Variants in BLK observed in about 807,000 individuals in gnomAD.
BLK encodes BLK proto-oncogene, Src family tyrosine kinase.
Under a neutral mutation model 61.8 loss-of-function variants are expected in BLK, and 64 were observed. The observed-to-expected ratio is 1.03, with a 90% CI of 0.85 to 1.27. The LOEUF (loss-of-function observed/expected upper bound fraction) is 1.27, where lower values mean the gene tolerates loss of function less well. Among genes scored for constraint, BLK ranks in the 50% most tolerant of loss-of-function variants. BLK has a pLI of 0.00. For synonymous variants in BLK, 351 were observed against 272.0 expected, an observed-to-expected ratio of 1.29 and a Z score of -2.86; for missense variants, 853 against 660.5, an observed-to-expected ratio of 1.29 and a Z score of -3.19.
intron 1 of BLK, among the ~76,000 whole-genome samples, chr8:11,499,625 C>T (rs1486584122): frequency 6.6e-6 from 1 of 152,172 alleles, no homozygotes; most frequent in African/African-American, 2.4e-5. Flanking sequence ...CGCATTCCAC[C>T]CAGGACCTCC....
intron 1 of BLK, among the ~76,000 whole-genome samples, chr8:11,536,998 G>T (rs538363051): frequency 6.6e-6 from 1 of 152,244 alleles, no homozygotes; most frequent in East Asian, 1.9e-4. Context: ...ATAGTTCATG[G>T]TTGACAGCAA....
At chr8:11,526,422 T>C (rs1474898922) in intron 1 of BLK, among the ~76,000 whole-genome samples, 1 of 152,214 alleles carries the variant, frequency 6.6e-6, no homozygotes, top group Non-Finnish European at 1.5e-5. Flanking sequence ...TTAAGGCTTA[T>C]CATATATATA....
chr8:11,522,545 T>G (rs1016617666), intron 1 of BLK, among the ~76,000 whole-genome samples: 1 of 152,148 alleles, frequency 6.6e-6, no homozygotes, highest in South Asian at 2.1e-4. Context: ...TCAGAGAAAC[T>G]CTCACATATG....
At chr8:11,562,084 G>A (rs1246056477) in intron 11 of BLK, among the ~76,000 whole-genome samples, 1 of 152,184 alleles carries the variant, frequency 6.6e-6, no homozygotes, top group Non-Finnish European at 1.5e-5. Flanking sequence ...CTCCCAAAGC[G>A]CTGGGATGAC....
intron 6 of BLK, among the ~76,000 whole-genome samples, chr8:11,551,674 T>C (rs1205848682): frequency 6.6e-6 from 1 of 152,232 alleles, no homozygotes; most frequent in Middle Eastern, 3.2e-3. Context: ...TCTCATGTTG[T>C]GGGCATTGAG....
chr8:11,563,844 C>A, intron 12 of BLK, 59 bp from the exon 13 acceptor site: 2 of 1,507,512 alleles, frequency 1.3e-6, no homozygotes, highest in Non-Finnish European at 9.0e-7. Context: ...ACGCTCAGGG[C>A]CCCCCACCCA....
In BLK at chr8:11,554,843, C is replaced by G; in HGVS notation, c.573C>G (p.Pro191=). The G allele has an allele frequency of 6.2e-7, 1 of 1,613,984 alleles. No individual in the cohort carries two copies. Among genetic ancestry groups the G allele is most frequent in the Non-Finnish European group, 8.5e-7 (1 of 1,180,014 alleles). The change falls in exon 7 of 13, where the codon CCC becomes CCG. Residue 191 remains proline (P), a synonymous_variant. Transcript: ENST00000259089. ...ATGAAGGGGGCTACTACATCTCCCCCCGGATCACCTTCCCCTCGCTCCAGG... is the reference window on the plus strand; with the variant it reads ...ATGAAGGGGGCTACTACATCTCCCCGCGGATCACCTTCCCCTCGCTCCAGG... ...CLDEGGYYIS[P]RITFPSLQAL... is the part of the protein sequence containing the mutation.
In BLK at chr8:11,549,058, A is replaced by AC; in HGVS notation, c.305dup (p.Gly103ArgfsTer9). On this transcript the variant is annotated frameshift_variant, in exon 5 of 13. Transcript: ENST00000259089. LOFTEE classifies it high-confidence loss of function. ...CTGGTGGCTGGCCAGGTCACTCGTC[A>AC]CAGGAAGAGAAGGCTATGTGCCCAG... is the stretch of plus-strand genomic sequence containing the variant. 1 of 1,611,464 alleles carries AC rather than the reference A, an allele frequency of 6.2e-7. No individual in the cohort carries two copies. Among genetic ancestry groups the AC allele is most frequent in the Non-Finnish European group, 8.5e-7 (1 of 1,179,098 alleles).
At chr8:11,551,194 T>G (rs1455770832) in intron 6 of BLK, among the ~76,000 whole-genome samples, 1 of 152,212 alleles carries the variant, frequency 6.6e-6, no homozygotes, top group African/African-American at 2.4e-5. Context: ...GATTCTATGT[T>G]AGTTTCCTGG....
intron 1 of BLK, among the ~76,000 whole-genome samples, chr8:11,507,638 A>G (rs1049972392): frequency 3.9e-5 from 6 of 152,220 alleles, no homozygotes; most frequent in South Asian, 4.1e-4. Flanking sequence ...GAAAGTCCCA[A>G]TGGACCAGCT....
intron 2 of BLK, chr8:11,545,693 T>C: frequency 3.0e-6 from 1 of 336,394 alleles, no homozygotes. Context: ...GAAATATGCT[T>C]TTTAAATATT....
At chr8:11,534,367 G>C (rs1324035326) in intron 1 of BLK, among the ~76,000 whole-genome samples, 1 of 152,170 alleles carries the variant, frequency 6.6e-6, no homozygotes, top group Non-Finnish European at 1.5e-5. Context: ...TCACTACTGT[G>C]AGAGTTTTTT....
At chr8:11,536,664 C>T (rs1436844136) in intron 1 of BLK, among the ~76,000 whole-genome samples, 1 of 152,176 alleles carries the variant, frequency 6.6e-6, no homozygotes, top group Non-Finnish European at 1.5e-5. Context: ...ACCTCAACCT[C>T]GCAAGTGCTG....
intron 1 of BLK, among the ~76,000 whole-genome samples, chr8:11,539,124 C>T (rs941328175): frequency 6.6e-6 from 1 of 151,742 alleles, no homozygotes; most frequent in Non-Finnish European, 1.5e-5. Context: ...GTTTTGTACT[C>T]TCCCTTCCTC....
At chr8:11,555,711 A>G in intron 8 of BLK, 1 of 675,298 alleles carries the variant, frequency 1.5e-6, no homozygotes, top group Non-Finnish European at 2.5e-6. Context: ...AACAGAATCC[A>G]GCTCACCCAG....
intron 1 of BLK, among the ~76,000 whole-genome samples, chr8:11,538,807 C>A (rs1045340595): frequency 1.2e-4 from 18 of 152,320 alleles, no homozygotes; most frequent in African/African-American, 4.1e-4. Context: ...CCTGGCTGGC[C>A]ACTTAACGGT....
In BLK at chr8:11,561,749, G is replaced by A. The variant is rs149216921; in HGVS notation, c.1180+297G>A. Among the ~76,000 whole-genome samples, 323 of 152,212 alleles carry A rather than the reference G, an allele frequency of 2.1e-3. 5 individuals are homozygous for A. In the South Asian group the frequency reaches 0.025, roughly 12 times the overall value. On this transcript the variant is annotated intron_variant, in intron 11 of 12. Transcript: ENST00000259089. ...TGCACATCAACATATTAAAGGCACT[G>A]AGAAGTCCTGCAGCAAAGAAACAGT...
chr8:11,558,023 T>A lies in BLK; in HGVS notation c.1014T>A (p.Ile338=), dbSNP rs1335665911. Residue 338 remains isoleucine (I), a synonymous_variant, in exon 10 of 13, where the codon ATT becomes ATA. Transcript: ENST00000259089. ...EGSRLSLPRL[I]DMSAQIAEGM... ...GCAGATTGTCACTCCCAAGGCTGAT[T>A]GACATGTCGGCGCAGGTTGGTGAAG... The A allele has an allele frequency of 3.1e-6, 5 of 1,614,060 alleles. No individual in the cohort carries two copies. Among genetic ancestry groups the A allele is most frequent in the Non-Finnish European group, 4.2e-6 (5 of 1,179,946 alleles).
chr8:11,546,028 T>C, intron 2 of BLK, 24 bp from the exon 3 acceptor site: 2 of 1,613,486 alleles, frequency 1.2e-6, no homozygotes, highest in Non-Finnish European at 1.7e-6. Context: ...CTGAAATAAC[T>C]CAAGTGTGTG....
Sources: gnomAD v4.1 joint callset for allele counts (sites outside exome capture counted in the v4.1 genomes callset) on GRCh38, gnomAD v4.1.1 for gene constraint, MANE v1.5 for transcripts, NCBI Gene and HGNC (gene_info 2026-07-23, HGNC 2026-07-21) for gene names.